The following EEFSEC variants were observed in gnomAD, a reference collection of about 807,000 sequenced individuals.
The protein encoded by EEFSEC is eukaryotic elongation factor, selenocysteine-tRNA specific, also known as selenocysteine-specific elongation factor.
In EEFSEC, 43 loss-of-function variants were observed where a neutral mutation model predicts 42.1. The observed-to-expected ratio is 1.02, with a 90% confidence interval of 0.80 to 1.32. The LOEUF is 1.32. Ranked by LOEUF, EEFSEC falls within the 40% of genes most tolerant of loss-of-function variation. The pLI is 0.00. For missense variants in EEFSEC, 745 were observed against 803.6 expected (o/e 0.93, Z 0.88); for synonymous variants, 354 against 339.1 (o/e 1.04, Z -0.48).
At chr3:128,385,761 C>G (rs78616679) in intron 6 of EEFSEC, among the ~76,000 whole-genome samples, 324 of 152,348 alleles carry the variant, frequency 2.1e-3, no homozygotes, top group African/African-American at 7.5e-3. Flanking sequence ...CTGCCCGCAG[C>G]CCTCAGCTCC....
intron 1 of EEFSEC, among the ~76,000 whole-genome samples, chr3:128,232,691 C>T (rs560317941): frequency 1.1e-4 from 16 of 152,344 alleles, no homozygotes; most frequent in Non-Finnish European, 2.1e-4. Context: ...ATTCCATTTT[C>T]TGCTCTTTTT....
chr3:128,343,313 T>C (rs1171920923), intron 5 of EEFSEC, among the ~76,000 whole-genome samples: 1 of 152,136 alleles, frequency 6.6e-6, no homozygotes, highest in Non-Finnish European at 1.5e-5. Flanking sequence ...CCTCCCTTTC[T>C]CCTTGTCTTA....
intron 4 of EEFSEC, among the ~76,000 whole-genome samples, chr3:128,276,990 G>C (rs545590042): frequency 6.6e-6 from 1 of 152,210 alleles, no homozygotes; most frequent in Non-Finnish European, 1.5e-5. Context: ...AAGTACTGGG[G>C]AGCCTGGCCT....
At chr3:128,262,047 T>G in intron 2 of EEFSEC, 81 bp from the exon 3 acceptor site, 1 of 1,308,716 alleles carries the variant, frequency 7.6e-7, no homozygotes, top group Non-Finnish European at 1.1e-6. Flanking sequence ...CACTTGGTAC[T>G]GTGCCAGGTG....
At chr3:128,251,084 A>G (rs2066182159) in intron 2 of EEFSEC, among the ~76,000 whole-genome samples, 1 of 151,738 alleles carries the variant, frequency 6.6e-6, no homozygotes, top group Non-Finnish European at 1.5e-5. Flanking sequence ...TGATTTTTGA[A>G]CTTGTACCCT....
At chr3:128,170,441 T>C (rs569242667) in intron 1 of EEFSEC, among the ~76,000 whole-genome samples, 1 of 138,426 alleles carries the variant, frequency 7.2e-6, no homozygotes, top group Non-Finnish European at 1.6e-5. Context: ...TCCCAGCTAC[T>C]TGAGAGGCTG....
intron 4 of EEFSEC, among the ~76,000 whole-genome samples, chr3:128,327,080 G>T (rs1388856580): frequency 6.6e-6 from 1 of 152,198 alleles, no homozygotes; most frequent in Non-Finnish European, 1.5e-5. Context: ...CTACCACACT[G>T]CCTGCCCCCA....
intron 6 of EEFSEC, among the ~76,000 whole-genome samples, chr3:128,389,820 C>G (rs931619067): frequency 2.6e-5 from 4 of 152,350 alleles, no homozygotes; most frequent in South Asian, 2.1e-4. Context: ...ATGGGCAGGG[C>G]AGGCCCCAGA....
the EEFSEC span, among the ~76,000 whole-genome samples, chr3:128,422,154 G>C: frequency 6.6e-6 from 1 of 152,118 alleles, no homozygotes; most frequent in African/African-American, 2.4e-5. Flanking sequence ...GGCAACTGCA[G>C]AGCCTGGGCC....
chr3:128,415,220 G>A, the EEFSEC span, among the ~76,000 whole-genome samples: 1 of 152,188 alleles, frequency 6.6e-6, no homozygotes, highest in Non-Finnish European at 1.5e-5. Flanking sequence ...ATGGGATCCT[G>A]AGGCCATGGG....
intron 4 of EEFSEC, among the ~76,000 whole-genome samples, chr3:128,285,881 CT>C (rs1278577482): frequency 6.6e-6 from 1 of 152,212 alleles, no homozygotes; most frequent in Non-Finnish European, 1.5e-5. Flanking sequence ...AACCATCATT[CT>C]TTAAAACATT....
In EEFSEC at chr3:128,408,448, G is replaced by A; in HGVS notation, c.*189G>A. 1.7e-6 allele frequency: 1 copy of A among 575,882 alleles called. No individual in the cohort carries two copies. The highest frequency in any genetic ancestry group is 2.9e-6 in the Non-Finnish European group (1 of 348,746). 35.7% of individuals were successfully genotyped at this position (575,882 alleles called of 1,614,324 possible). ...GGGATGGGTTGCTGGGGCCAGGAGG[G>A]TCTCTCCTCCAGCCCCTGCACACTC... On this transcript the variant is annotated 3_prime_UTR_variant, in exon 7 of 7. Coordinates refer to ENST00000254730, the MANE Select transcript of EEFSEC (RefSeq NM_021937.5).
At chr3:128,260,506 T>C (rs1455076530) in intron 2 of EEFSEC, among the ~76,000 whole-genome samples, 1 of 152,198 alleles carries the variant, frequency 6.6e-6, no homozygotes, top group Non-Finnish European at 1.5e-5. Flanking sequence ...AAAAGGCTAT[T>C]TGCACTAAGC....
intron 6 of EEFSEC, among the ~76,000 whole-genome samples, chr3:128,360,758 G>A (rs981729492): frequency 6.6e-6 from 1 of 151,938 alleles, no homozygotes; most frequent in Non-Finnish European, 1.5e-5. Context: ...GGGGTATAGG[G>A]ACACTGCCTC....
intron 4 of EEFSEC, among the ~76,000 whole-genome samples, chr3:128,303,703 AC>A (rs2066795145): frequency 6.6e-6 from 1 of 152,164 alleles, no homozygotes; most frequent in African/African-American, 2.4e-5. Flanking sequence ...AGTTTTACAT[AC>A]TTACAGAGAC....
At chr3:128,358,621 G>A (rs2067488024) in intron 6 of EEFSEC, among the ~76,000 whole-genome samples, 2 of 152,286 alleles carry the variant, frequency 1.3e-5, no homozygotes, top group Middle Eastern at 3.4e-3. Context: ...AGTTCCCACT[G>A]CACCATTTAC....
intron 4 of EEFSEC, among the ~76,000 whole-genome samples, chr3:128,273,991 C>T (rs1159984170): frequency 6.6e-6 from 1 of 152,154 alleles, no homozygotes; most frequent in Non-Finnish European, 1.5e-5. Flanking sequence ...GCTCTAGTGC[C>T]CAAGACCACA....
At chr3:128,343,048 C>T (rs977638652) in intron 5 of EEFSEC, among the ~76,000 whole-genome samples, 1 of 152,210 alleles carries the variant, frequency 6.6e-6, no homozygotes, top group Non-Finnish European at 1.5e-5. Context: ...ACCCCACTGT[C>T]GGGGGCTCAG....
intron 6 of EEFSEC, among the ~76,000 whole-genome samples, chr3:128,370,244 G>A (rs187371510): frequency 6.6e-5 from 10 of 152,278 alleles, no homozygotes; most frequent in South Asian, 2.1e-4. Context: ...TGTCCTATCC[G>A]GATGTCTGCC....
Sources: allele counts gnomAD v4.1 joint callset (sites outside exome capture counted in the v4.1 genomes callset), GRCh38; gene constraint gnomAD v4.1.1; transcripts MANE v1.5; gene names NCBI Gene and HGNC (gene_info 2026-07-23, HGNC 2026-07-21).